The following ASIC2 variants were observed in gnomAD, a reference collection of about 807,000 sequenced individuals.
The protein encoded by ASIC2 is acid sensing ion channel subunit 2.
ASIC2 carries 25 observed loss-of-function variants against 57.3 expected under a neutral mutation model. That is an observed-to-expected ratio of 0.44 (90% CI 0.32 to 0.61). The LOEUF (loss-of-function observed/expected upper bound fraction) is 0.61. Ranked by LOEUF, ASIC2 falls within the 20% of genes least tolerant of loss-of-function variation. ASIC2 has a pLI of 0.06. For synonymous variants in ASIC2, 319 were observed against 307.5 expected (o/e 1.04, Z -0.39); for missense variants, 641 against 738.1 (o/e 0.87, Z 1.52).
intron 1 of ASIC2, among the ~76,000 whole-genome samples, chr17:33,438,159 C>T (rs1207133542): frequency 6.6e-6 from 1 of 152,148 alleles, no homozygotes; most frequent in Non-Finnish European, 1.5e-5. Flanking sequence ...ACCCAATATG[C>T]AAAATTTCAG....
intron 1 of ASIC2, among the ~76,000 whole-genome samples, chr17:33,987,431 A>G (rs929759955): frequency 6.6e-6 from 1 of 152,142 alleles, no homozygotes; most frequent in African/African-American, 2.4e-5. Context: ...ACACTTTCCC[A>G]CACAGCTTCC....
chr17:33,997,734 C>A, intron 1 of ASIC2, among the ~76,000 whole-genome samples: 1 of 151,212 alleles, frequency 6.6e-6, no homozygotes. Flanking sequence ...CACTGGATCA[C>A]AGTATATGAT....
At chr17:33,132,864 C>T (rs951306408) in intron 1 of ASIC2, among the ~76,000 whole-genome samples, 6 of 152,156 alleles carry the variant, frequency 3.9e-5, no homozygotes, top group African/African-American at 1.4e-4. Flanking sequence ...TTTGTGTTGG[C>T]TCAGTCCATT....
chr17:33,141,112 G>A lies in ASIC2; in HGVS notation c.709-29045C>T, dbSNP rs1476088753. ...TTCCAAGGACAGAGCTGTGTCTCTC[G>A]CATCAGAGAGTGAGTCCTCTTATGG... On this transcript the variant is annotated intron_variant, in intron 1 of 9. Transcript: ENST00000225823. Among the ~76,000 whole-genome samples the A allele has an allele frequency of 3.3e-5, 5 of 152,312 alleles. No individual in the cohort carries two copies. The South Asian group carries it at 6.2e-4, about 19-fold the overall frequency.
intron 1 of ASIC2, among the ~76,000 whole-genome samples, chr17:33,668,136 C>T (rs1437150165): frequency 6.6e-6 from 1 of 152,164 alleles, no homozygotes; most frequent in Admixed American, 6.5e-5. Context: ...CCTGTGCCTG[C>T]CCACATACCT....
At chr17:33,643,250 A>G (rs1222177351) in intron 1 of ASIC2, among the ~76,000 whole-genome samples, 1 of 151,984 alleles carries the variant, frequency 6.6e-6, no homozygotes, top group Admixed American at 6.6e-5. Flanking sequence ...GGTGATACAT[A>G]AAATTTTGCA....
intron 1 of ASIC2, among the ~76,000 whole-genome samples, chr17:33,521,440 A>G (rs1434895710): frequency 6.6e-6 from 1 of 152,150 alleles, no homozygotes. Flanking sequence ...TGGTGACTGT[A>G]GGGCAGGGAT....
intron 1 of ASIC2, among the ~76,000 whole-genome samples, chr17:33,259,635 C>T (rs1354628094): frequency 6.6e-6 from 1 of 152,130 alleles, no homozygotes; most frequent in Non-Finnish European, 1.5e-5. Flanking sequence ...GAGAGAGTGA[C>T]AGCCTGAAGA....
intron 1 of ASIC2, among the ~76,000 whole-genome samples, chr17:33,973,650 T>C (rs1186202124): frequency 6.6e-6 from 1 of 152,136 alleles, no homozygotes; most frequent in Admixed American, 6.5e-5. Flanking sequence ...CCTGAACATA[T>C]AGACACAGAG....
chr17:33,558,611 G>A (rs755164070), intron 1 of ASIC2, among the ~76,000 whole-genome samples: 2 of 152,156 alleles, frequency 1.3e-5, no homozygotes, highest in Non-Finnish European at 2.9e-5. Context: ...TCTCTTGAGG[G>A]CCAGATAGTA....
chr17:34,059,871 C>T (rs1180789216), intron 1 of ASIC2, among the ~76,000 whole-genome samples: 4 of 152,182 alleles, frequency 2.6e-5, no homozygotes, highest in Non-Finnish European at 5.9e-5. Context: ...ATCAGACAGG[C>T]CTAGCCACGC....
At chr17:33,856,945 C>T (rs989909459) in intron 1 of ASIC2, among the ~76,000 whole-genome samples, 7 of 152,092 alleles carry the variant, frequency 4.6e-5, no homozygotes, top group South Asian at 2.1e-4. Context: ...CTTGTAGTCA[C>T]GGAGGAGCCA....
chr17:33,630,120 C>G (rs932277426), intron 1 of ASIC2, among the ~76,000 whole-genome samples: 2 of 152,172 alleles, frequency 1.3e-5, no homozygotes, highest in South Asian at 2.1e-4. Context: ...CTGCAACTTG[C>G]ATCTGATCAC....
At chr17:33,398,287 G>C (rs1597714073) in intron 1 of ASIC2, among the ~76,000 whole-genome samples, 2 of 152,160 alleles carry the variant, frequency 1.3e-5, no homozygotes, top group Non-Finnish European at 2.9e-5. Context: ...AATATAGCAG[G>C]TGCCCACTAA....
At chr17:33,973,578 A>G (rs1340705925) in intron 1 of ASIC2, among the ~76,000 whole-genome samples, 1 of 152,170 alleles carries the variant, frequency 6.6e-6, no homozygotes, top group Non-Finnish European at 1.5e-5. Context: ...GTGTCACACC[A>G]AATGGAACTC....
At chr17:33,918,178 G>A (rs1915630919) in intron 1 of ASIC2, among the ~76,000 whole-genome samples, 1 of 151,916 alleles carries the variant, frequency 6.6e-6, no homozygotes, top group African/African-American at 2.4e-5. Flanking sequence ...GCCAAATCTT[G>A]TTTATCCTTT....
At chr17:33,803,979 T>C (rs896459943) in intron 1 of ASIC2, among the ~76,000 whole-genome samples, 2 of 152,198 alleles carry the variant, frequency 1.3e-5, no homozygotes, top group Admixed American at 1.3e-4. Flanking sequence ...TCCAAGTATT[T>C]GTGTGCAAGT....
At chr17:33,623,295 T>C (rs1905866182) in intron 1 of ASIC2, among the ~76,000 whole-genome samples, 1 of 152,092 alleles carries the variant, frequency 6.6e-6, no homozygotes, top group Non-Finnish European at 1.5e-5. Context: ...GGAGTCTCTC[T>C]CTGTCACCAG....
At chr17:33,422,597 G>T (rs1567856021) in intron 1 of ASIC2, among the ~76,000 whole-genome samples, 1 of 152,180 alleles carries the variant, frequency 6.6e-6, no homozygotes, top group African/African-American at 2.4e-5. Flanking sequence ...CTCTGGAAAT[G>T]AGGGTCTTTC....
Sources: gnomAD v4.1 joint callset for allele counts (sites outside exome capture counted in the v4.1 genomes callset) on GRCh38, gnomAD v4.1.1 for gene constraint, MANE v1.5 for transcripts, NCBI Gene and HGNC (gene_info 2026-07-23, HGNC 2026-07-21) for gene names.